The following MTSS1 variants were observed in gnomAD, a reference collection of about 807,000 sequenced individuals.
MTSS1 encodes the protein protein MTSS 1.
MTSS1 carries 18 observed loss-of-function variants against 79.0 expected under a neutral mutation model. That is an observed-to-expected ratio of 0.23 (90% CI 0.16 to 0.34). The LOEUF is 0.34. Among genes scored for constraint, MTSS1 ranks in the 10% least tolerant of loss-of-function variants. MTSS1 has a pLI of 1.00. For synonymous variants in MTSS1, 341 were observed against 368.6 expected (o/e 0.93, Z 0.86); for missense variants, 815 against 986.2 (o/e 0.83, Z 2.33).
chr8:124,597,341 G>A lies in MTSS1; in HGVS notation c.209-6106C>T, dbSNP rs1488246518. On this transcript the variant is annotated intron_variant, in intron 3 of 13. Transcript: ENST00000518547. This position sits in a 1 kb window ranked among gnomAD's most constrained non-coding sequence, Gnocchi z 4.6. The stretch of plus-strand genomic sequence containing the variant: ...AAGCCTGCTTCTACGGATACCAAGG[G>A]CTCTCTCTCACTACGACAAGCTGGA... 3.3e-5 allele frequency among the ~76,000 whole-genome samples: 5 copies of A among 152,276 alleles called. No individual in the cohort carries two copies. Among genetic ancestry groups the A allele is most frequent in the African/African-American group, 1.2e-4 (5 of 41,540 alleles).
chr8:124,677,103 C>T (rs1213880642), intron 3 of MTSS1, among the ~76,000 whole-genome samples: 4 of 152,154 alleles, frequency 2.6e-5, no homozygotes, highest in Non-Finnish European at 5.9e-5. Flanking sequence ...ATGGTCTCCA[C>T]GATCACCAAT....
intron 3 of MTSS1, among the ~76,000 whole-genome samples, chr8:124,676,484 T>A (rs937073144): frequency 6.6e-6 from 1 of 152,230 alleles, no homozygotes; most frequent in African/African-American, 2.4e-5. Flanking sequence ...AAACCTCATG[T>A]GGACAGACGC....
At position 124,557,889 on chromosome 8, in the gene MTSS1, A is replaced by G. The variant is rs560397440; in HGVS notation, c.1036-14T>C. 7.7e-5 allele frequency: 120 copies of G among 1,552,312 alleles called. No homozygotes were observed. Among genetic ancestry groups the G allele is most frequent in the Non-Finnish European group, 9.4e-5 (108 of 1,143,268 alleles). On this transcript the variant is annotated splice_polypyrimidine_tract_variant and intron_variant, in intron 10 of 13. Transcript: ENST00000518547. Reference sequence around the variant, plus strand: ...CCCGTTAGACAACTGGAAACAAACAAAAAAAGGGGGGGGGAAGGAAAAAAA... The same window carrying G: ...CCCGTTAGACAACTGGAAACAAACAGAAAAAGGGGGGGGGAAGGAAAAAAA...
intron 10 of MTSS1, 98 bp downstream of exon 10, chr8:124,562,684 G>A (rs7015374): frequency 5.1e-6 from 6 of 1,169,460 alleles, no homozygotes; most frequent in Non-Finnish European, 6.2e-6. Context: ...CAGTGGGCAG[G>A]GGATTGTCTA....
intron 2 of MTSS1, 137 bp downstream of exon 2, chr8:124,703,993 A>T: frequency 1.4e-6 from 1 of 723,678 alleles, no homozygotes; most frequent in South Asian, 1.6e-5. Flanking sequence ...ATCATGCTCC[A>T]ATCAGAACCC....
chr8:124,695,459 A>C (rs1048554859), intron 3 of MTSS1, among the ~76,000 whole-genome samples: 7 of 152,230 alleles, frequency 4.6e-5, no homozygotes, highest in Non-Finnish European at 1.0e-4. Context: ...CCCTAAGCCC[A>C]AATCTATTTG....
At chr8:124,642,256 TC>T (rs1403218333) in intron 3 of MTSS1, among the ~76,000 whole-genome samples, 1 of 152,184 alleles carries the variant, frequency 6.6e-6, no homozygotes, top group Non-Finnish European at 1.5e-5. Context: ...ATTTAACGAA[TC>T]AATCAGCAGA....
At chr8:124,578,171 G>A (rs559710333) in intron 6 of MTSS1, among the ~76,000 whole-genome samples, 2 of 152,246 alleles carry the variant, frequency 1.3e-5, no homozygotes, top group Admixed American at 6.5e-5. Flanking sequence ...GGGAGACGCG[G>A]TCCAGGAAGC....
At chr8:124,714,247 C>A (rs1453790076) in intron 1 of MTSS1, among the ~76,000 whole-genome samples, 2 of 152,076 alleles carry the variant, frequency 1.3e-5, no homozygotes, top group African/African-American at 4.8e-5. Flanking sequence ...ATGCTGTATT[C>A]GAGAGTACAG....
At position 124,720,230 on chromosome 8, in the gene MTSS1, C is replaced by T. The variant is rs115273459; in HGVS notation, c.72+7654G>A. Among the ~76,000 whole-genome samples the T allele has an allele frequency of 9.1e-3, 1,385 of 152,252 alleles. 17 individuals carry two copies. The highest frequency in any genetic ancestry group is 0.031 in the African/African-American group (1,291 of 41,538). Reference sequence around the variant, plus strand: ...GCTGTGTCAAGGAAGCCTGGGAGTCCGAGTTAGGGAGCACTGGACACATAG... The same window carrying T: ...GCTGTGTCAAGGAAGCCTGGGAGTCTGAGTTAGGGAGCACTGGACACATAG... On this transcript the variant is annotated intron_variant, in intron 1 of 13. Coordinates refer to ENST00000518547, the MANE Select transcript of MTSS1 (RefSeq NM_014751.6).
intron 3 of MTSS1, among the ~76,000 whole-genome samples, chr8:124,629,518 A>AG (rs1815453431): frequency 6.6e-6 from 1 of 151,196 alleles, no homozygotes. Flanking sequence ...AAAAAAAAAA[A>AG]AAAAAAAAGA....
chr8:124,712,705 C>A (rs1831347450), intron 1 of MTSS1, among the ~76,000 whole-genome samples: 1 of 152,176 alleles, frequency 6.6e-6, no homozygotes, highest in Non-Finnish European at 1.5e-5. Flanking sequence ...CGGATGACAG[C>A]CTTGGGGATA....
At chr8:124,720,223 G>A (rs1374592682) in intron 1 of MTSS1, among the ~76,000 whole-genome samples, 4 of 152,202 alleles carry the variant, frequency 2.6e-5, no homozygotes, top group African/African-American at 9.7e-5. Flanking sequence ...AAGGAAGCCT[G>A]GGAGTCCGAG....
At chr8:124,644,179 A>C (rs900420310) in intron 3 of MTSS1, among the ~76,000 whole-genome samples, 1 of 152,206 alleles carries the variant, frequency 6.6e-6, no homozygotes, top group African/African-American at 2.4e-5. Flanking sequence ...TTGTGCCAAA[A>C]GAAAAAAAAG....
chr8:124,721,336 T>G (rs1832890281), intron 1 of MTSS1, among the ~76,000 whole-genome samples: 1 of 151,660 alleles, frequency 6.6e-6, no homozygotes, highest in Non-Finnish European at 1.5e-5. Context: ...CAATAAATCA[T>G]GGCAAAGTAT....
In MTSS1 at chr8:124,582,447, A is replaced by C. The variant is rs1830205857; in HGVS notation, c.460+2640T>G. 6.6e-6 allele frequency among the ~76,000 whole-genome samples: 1 copy of C among 152,200 alleles called. No homozygotes were observed. The highest frequency in any genetic ancestry group is 2.4e-5 in the African/African-American group (1 of 41,442). On this transcript the variant is annotated intron_variant, in intron 6 of 13. Coordinates refer to ENST00000518547, the MANE Select transcript of MTSS1 (RefSeq NM_014751.6). The surrounding 1 kb of genome is among the most constrained non-coding windows in gnomAD (Gnocchi z 4.8). ...CCACGTCAAGGATGGTGGTAAAACC[A>C]TGCTTACATGCACAAAGGCACTTGA...
chr8:124,561,413 T>C (rs1460420879), intron 10 of MTSS1, among the ~76,000 whole-genome samples: 1 of 152,148 alleles, frequency 6.6e-6, no homozygotes, highest in Non-Finnish European at 1.5e-5. Context: ...AGCGAGACTG[T>C]CTTAAAAACA....
intron 3 of MTSS1, among the ~76,000 whole-genome samples, chr8:124,654,500 A>G (rs1820587357): frequency 1.3e-5 from 2 of 152,220 alleles, no homozygotes; most frequent in African/African-American, 2.4e-5. Flanking sequence ...GAAATGATCA[A>G]TCAAAATTCT....
chr8:124,660,181 C>T (rs1423863955), intron 3 of MTSS1, among the ~76,000 whole-genome samples: 1 of 152,034 alleles, frequency 6.6e-6, no homozygotes, highest in Admixed American at 6.6e-5. Context: ...CTTCAAAAGC[C>T]CTTCTCTGGC....
Sources: allele counts gnomAD v4.1 joint callset (sites outside exome capture counted in the v4.1 genomes callset), GRCh38; gene constraint gnomAD v4.1.1; non-coding constraint Gnocchi (gnomAD v3.1); transcripts MANE v1.5; gene names NCBI Gene and HGNC (gene_info 2026-07-23, HGNC 2026-07-21).